The following PLCB4 variants were observed in gnomAD, a reference collection of about 807,000 sequenced individuals.
PLCB4 encodes 1-phosphatidylinositol 4,5-bisphosphate phosphodiesterase beta-4.
In PLCB4, 77 loss-of-function variants were observed where a neutral mutation model predicts 178.8. That is an observed-to-expected ratio of 0.43 (90% CI 0.36 to 0.52). The LOEUF (loss-of-function observed/expected upper bound fraction) is 0.52. PLCB4 is among the 20% of genes least tolerant of loss of function. The pLI is 0.00. For missense variants in PLCB4, 1,024 were observed against 1,453.4 expected, an observed-to-expected ratio of 0.70 and a Z score of 4.80; for synonymous variants, 496 against 490.8, an observed-to-expected ratio of 1.01 and a Z score of -0.14.
At chr20:9,262,196 A>G (rs560745802) in intron 3 of PLCB4, among the ~76,000 whole-genome samples, 1 of 152,306 alleles carries the variant, frequency 6.6e-6, no homozygotes, top group African/African-American at 2.4e-5. Flanking sequence ...CCATCTGAGA[A>G]CCATTAACTT....
chr20:9,351,226 TGCACAACGTGCAGGTTAGTTACA>T (rs2034313048), intron 7 of PLCB4, among the ~76,000 whole-genome samples: 1 of 152,092 alleles, frequency 6.6e-6, no homozygotes, highest in African/African-American at 2.4e-5. Flanking sequence ...AGGGTACATA[TGCACAACGTGCAGGTTAGTTACA>T]TATGTATACA....
intron 2 of PLCB4, among the ~76,000 whole-genome samples, chr20:9,163,048 C>G (rs568647831): frequency 6.6e-6 from 1 of 152,104 alleles, no homozygotes; most frequent in South Asian, 2.1e-4. Context: ...TAGATGCACA[C>G]AGTTGTCTTT....
intron 12 of PLCB4, 91 bp from the exon 13 acceptor site, chr20:9,379,963 A>G (rs1189731346): frequency 3.1e-6 from 2 of 636,214 alleles, no homozygotes; most frequent in Non-Finnish European, 5.6e-6. Context: ...CAGTCTAGAT[A>G]TATTTTGTTT....
intron 7 of PLCB4, among the ~76,000 whole-genome samples, chr20:9,350,251 G>T (rs1033407087): frequency 1.3e-5 from 2 of 152,080 alleles, no homozygotes; most frequent in African/African-American, 4.8e-5. Flanking sequence ...AGATTTGCTG[G>T]TCTCTAATAA....
chr20:9,118,516 A>C (rs573362154), intron 2 of PLCB4, among the ~76,000 whole-genome samples: 2 of 152,188 alleles, frequency 1.3e-5, no homozygotes, highest in East Asian at 3.9e-4. Context: ...AATTATCAAG[A>C]CATTTTACAT....
intron 7 of PLCB4, among the ~76,000 whole-genome samples, chr20:9,358,666 G>A (rs910692555): frequency 4.6e-5 from 7 of 152,058 alleles, no homozygotes; most frequent in Admixed American, 3.3e-4. Flanking sequence ...AGGCCAAGGC[G>A]GACAGATCAT....
At chr20:9,460,290 A>G (rs930609863) in intron 35 of PLCB4, among the ~76,000 whole-genome samples, 2 of 152,346 alleles carry the variant, frequency 1.3e-5, no homozygotes, top group East Asian at 1.9e-4. Flanking sequence ...TCAAAATGGT[A>G]GGGCTGGAAC....
chr20:9,342,547 C>G (rs1281809204), intron 7 of PLCB4, among the ~76,000 whole-genome samples: 1 of 152,098 alleles, frequency 6.6e-6, no homozygotes, highest in South Asian at 2.1e-4. Context: ...ACCTTAAACA[C>G]TGTAACTTAA....
At chr20:9,168,161 T>C (rs1397707498) in intron 2 of PLCB4, among the ~76,000 whole-genome samples, 1 of 152,196 alleles carries the variant, frequency 6.6e-6, no homozygotes, top group Non-Finnish European at 1.5e-5. Context: ...AGAGAATATT[T>C]CCAGACACAT....
rs769728823 is a variant in PLCB4, at chr20:9,457,388, A to G, written c.2997-26A>G. ...AATGGGAAAATATCTAATTTCTGGC[A>G]TGCATTTGCAACTTTCCATTTTCAG... On this transcript the variant is annotated intron_variant, in intron 33 of 39. Coordinates refer to ENST00000378473, the MANE Select transcript of PLCB4 (RefSeq NM_001377142.1). 6.5e-6 allele frequency: 7 copies of G among 1,082,140 alleles called. No individual in the cohort carries two copies. The Admixed American group carries it at 1.2e-4, about 18-fold the overall frequency. The allele number at this position is 1,082,140 out of a possible 1,614,324, so 67.0% of individuals were successfully genotyped here.
intron 3 of PLCB4, among the ~76,000 whole-genome samples, chr20:9,277,888 G>C (rs1167684304): frequency 6.6e-6 from 1 of 152,000 alleles, no homozygotes; most frequent in Non-Finnish European, 1.5e-5. Context: ...TTGTTCACTT[G>C]ATCATTTTGC....
At chr20:9,439,078 C>T (rs145105903) in intron 30 of PLCB4, among the ~76,000 whole-genome samples, 156 of 152,292 alleles carry the variant, frequency 1.0e-3, no homozygotes, top group African/African-American at 3.5e-3. Context: ...TCTTGACAGA[C>T]GGTGTATCAG....
intron 3 of PLCB4, among the ~76,000 whole-genome samples, chr20:9,283,808 G>T (rs1229068235): frequency 1.1e-4 from 17 of 151,880 alleles, no homozygotes; most frequent in Non-Finnish European, 2.9e-5. Flanking sequence ...GAAGGAGGAG[G>T]CTATATTTAA....
chr20:9,472,663 A>G (rs1408157102), intron 36 of PLCB4, 127 bp from the exon 37 acceptor site: 2 of 525,774 alleles, frequency 3.8e-6, no homozygotes, highest in Non-Finnish European at 6.7e-6. Context: ...ATACTGCAAT[A>G]ACAATTAGAA....
At chr20:9,224,078 G>T (rs1204073314) in intron 3 of PLCB4, among the ~76,000 whole-genome samples, 66 of 152,298 alleles carry the variant, frequency 4.3e-4, no homozygotes, top group Non-Finnish European at 1.3e-4. Flanking sequence ...AATGGCGTCT[G>T]CCCAGTTTCA....
intron 2 of PLCB4, among the ~76,000 whole-genome samples, chr20:9,160,771 G>T (rs2092875434): frequency 6.6e-6 from 1 of 152,194 alleles, no homozygotes; most frequent in Non-Finnish European, 1.5e-5. Context: ...GAGAAGCCTT[G>T]TGGAAAACAG....
chr20:9,120,145 C>T (rs1328654753), intron 2 of PLCB4, among the ~76,000 whole-genome samples: 2 of 152,306 alleles, frequency 1.3e-5, no homozygotes, highest in East Asian at 3.9e-4. Flanking sequence ...TATGTGAAGG[C>T]CCATCTGCGT....
intron 2 of PLCB4, among the ~76,000 whole-genome samples, chr20:9,112,654 G>A (rs1357787179): frequency 1.3e-5 from 2 of 152,088 alleles, no homozygotes; most frequent in Non-Finnish European, 2.9e-5. Flanking sequence ...ACTTTGTAAA[G>A]TCTTTTGTTT....
At chr20:9,135,853 T>C (rs1057011631) in intron 2 of PLCB4, among the ~76,000 whole-genome samples, 2 of 152,142 alleles carry the variant, frequency 1.3e-5, no homozygotes, top group Non-Finnish European at 2.9e-5. Flanking sequence ...GTCCTAGTAC[T>C]GGGACACATA....
Sources: allele counts gnomAD v4.1 joint callset (sites outside exome capture counted in the v4.1 genomes callset), GRCh38; gene constraint gnomAD v4.1.1; transcripts MANE v1.5; gene names NCBI Gene and HGNC (gene_info 2026-07-23, HGNC 2026-07-21).